ARHGAP6: variants seen among roughly 807,000 people sequenced by gnomAD.
ARHGAP6 encodes the protein Rho GTPase activating protein 6, also known as rho GTPase-activating protein 6.
A neutral mutation model predicts 55.7 loss-of-function variants in ARHGAP6; 16 were observed. The ratio of observed to expected loss-of-function variants is 0.29; its 90% confidence interval spans 0.19 to 0.44. The LOEUF is 0.44. Ranked by LOEUF, ARHGAP6 falls within the 20% of genes least tolerant of loss-of-function variation. The pLI is 1.00. For synonymous variants in ARHGAP6, 382 were observed against 360.9 expected, an observed-to-expected ratio of 1.06 and a Z score of -0.66; for missense variants, 698 against 808.9, an observed-to-expected ratio of 0.86 and a Z score of 1.66.
rs149606648 is a variant in ARHGAP6, at chrX:11,412,721, G to A, written c.589-158014C>T. 2.3e-3 allele frequency among the ~76,000 whole-genome samples: 260 copies of A among 111,823 alleles called. 4 individuals are homozygous for A. In the East Asian group the frequency reaches 0.041, roughly 18 times the overall value. On this transcript the variant is annotated intron_variant, in intron 1 of 12. Coordinates refer to ENST00000337414, the MANE Select transcript of ARHGAP6 (RefSeq NM_013427.3). The stretch of plus-strand genomic sequence containing the variant: ...CCTTAACCATCAATGGAGAGAATTC[G>A]TACCATGGTAATTTGGAAGCTACCA...
At chrX:11,163,870 T>G (rs1325819346) in intron 9 of ARHGAP6, among the ~76,000 whole-genome samples, 1 of 108,843 alleles carries the variant, frequency 9.2e-6, no homozygotes, top group East Asian at 2.8e-4. Flanking sequence ...GGAGGATAAC[T>G]CAAGCAAAGA....
intron 1 of ARHGAP6, among the ~76,000 whole-genome samples, chrX:11,389,270 T>C (rs1195913669): frequency 2.7e-5 from 3 of 111,958 alleles, no homozygotes; most frequent in Non-Finnish European, 5.6e-5. Flanking sequence ...TAACTAATAC[T>C]CTCTATAATA....
chrX:11,159,203 A>G (rs1423216547), intron 9 of ARHGAP6, among the ~76,000 whole-genome samples: 1 of 111,431 alleles, frequency 9.0e-6, no homozygotes, highest in Non-Finnish European at 1.9e-5. Context: ...ACCAGGTGTC[A>G]TGGAGTCTTA....
At chrX:11,589,693 T>C (rs1273641281) in intron 1 of ARHGAP6, among the ~76,000 whole-genome samples, 1 of 110,958 alleles carries the variant, frequency 9.0e-6, no homozygotes, top group Non-Finnish European at 1.9e-5. Context: ...GATAGGCTGG[T>C]TTGGAGGGGA....
At chrX:11,583,803 T>C (rs1425471718) in intron 1 of ARHGAP6, among the ~76,000 whole-genome samples, 1 of 111,788 alleles carries the variant, frequency 8.9e-6, no homozygotes, top group Admixed American at 9.6e-5. Context: ...CAAGTAATGC[T>C]AAGATATATT....
chrX:11,376,579 G>C (rs2049203816), intron 1 of ARHGAP6, among the ~76,000 whole-genome samples: 1 of 113,141 alleles, frequency 8.8e-6, no homozygotes, highest in African/African-American at 3.2e-5. Flanking sequence ...ATCTGTGTCA[G>C]AATTCTAGTC....
At chrX:11,241,579 T>C (rs943032173) in intron 2 of ARHGAP6, among the ~76,000 whole-genome samples, 1 of 105,239 alleles carries the variant, frequency 9.5e-6, no homozygotes, top group South Asian at 4.4e-4. Context: ...TGTGTGCGCG[T>C]GTGTCATCTT....
At chrX:11,361,815 AC>A (rs201105571) in intron 1 of ARHGAP6, among the ~76,000 whole-genome samples, 1,818 of 112,122 alleles carry the variant, frequency 0.016, 30 homozygotes, top group African/African-American at 0.055. Flanking sequence ...CAAGAAAAAA[AC>A]GACCAACCCC....
chrX:11,388,463 C>G (rs1221414868), intron 1 of ARHGAP6, among the ~76,000 whole-genome samples: 22 of 111,829 alleles, frequency 2.0e-4, no homozygotes, highest in African/African-American at 7.2e-4. Context: ...AGCCCTTTGT[C>G]AGATGAGTAG....
chrX:11,183,532 C>T (rs2046347868), intron 5 of ARHGAP6, among the ~76,000 whole-genome samples: 1 of 112,061 alleles, frequency 8.9e-6, no homozygotes, highest in African/African-American at 3.2e-5. Context: ...ACAATAGTTC[C>T]TTAATAGCAT....
intron 1 of ARHGAP6, among the ~76,000 whole-genome samples, chrX:11,472,500 G>A (rs190013765): frequency 2.1e-4 from 23 of 111,522 alleles, no homozygotes; most frequent in Admixed American, 1.5e-3. Context: ...TGGGAACAGC[G>A]GGTGAAAAGT....
At chrX:11,326,739 C>T (rs1381973387) in intron 1 of ARHGAP6, among the ~76,000 whole-genome samples, 1 of 112,065 alleles carries the variant, frequency 8.9e-6, no homozygotes, top group East Asian at 2.8e-4. Context: ...CTTAAGTAAA[C>T]GTTTTCATTT....
intron 9 of ARHGAP6, among the ~76,000 whole-genome samples, chrX:11,168,108 G>C (rs1286853145): frequency 9.0e-6 from 1 of 111,666 alleles, no homozygotes; most frequent in East Asian, 2.8e-4. Context: ...GGACAAGATG[G>C]ATGACCTTTC....
intron 1 of ARHGAP6, among the ~76,000 whole-genome samples, chrX:11,618,580 G>A (rs961734991): frequency 8.9e-6 from 1 of 111,764 alleles, no homozygotes; most frequent in Non-Finnish European, 1.9e-5. Context: ...AGATTGTACC[G>A]AGCTCATGCA....
chrX:11,216,019 A>G (rs1255595108), intron 2 of ARHGAP6, among the ~76,000 whole-genome samples: 1 of 111,596 alleles, frequency 9.0e-6, no homozygotes, highest in Non-Finnish European at 1.9e-5. Context: ...TCTGACACGT[A>G]GTGCCTTGTT....
intron 1 of ARHGAP6, among the ~76,000 whole-genome samples, chrX:11,571,337 C>A (rs2051513997): frequency 9.0e-6 from 1 of 111,087 alleles, no homozygotes; most frequent in Admixed American, 9.6e-5. Context: ...GGGTTTAAAT[C>A]CTTGCTTCAC....
intron 1 of ARHGAP6, among the ~76,000 whole-genome samples, chrX:11,457,784 G>C (rs1464392554): frequency 9.0e-6 from 1 of 111,662 alleles, no homozygotes; most frequent in Non-Finnish European, 1.9e-5. Context: ...CCCTCACTGG[G>C]ACATTTCTGA....
At position 11,138,961 on chromosome X, in the gene ARHGAP6, C is replaced by T. The variant is rs1353956281; in HGVS notation, c.2827G>A (p.Gly943Arg). ...TGCCAGTCGAGCCAGCCAGCGTCCC[C>T]CAGGCGCGGACTGTCCTGCTCGCCC... ...PAGEQDSPRL[G>R]DAGWLDWQRE... The change falls in exon 13 of 13, where the codon GGG becomes AGG. Residue 943 changes from glycine to arginine, a missense_variant. Physicochemically the swap from Gly to Arg is moderately radical, Grantham distance 125. Transcript: ENST00000337414. 8.3e-7 allele frequency: 1 copy of T among 1,200,236 alleles called. No individual in the cohort carries two copies. The highest frequency in any genetic ancestry group is 1.7e-5 in the African/African-American group (1 of 57,161).
At chrX:11,639,568 T>C (rs5978455) in intron 1 of ARHGAP6, among the ~76,000 whole-genome samples, 13,861 of 110,900 alleles carry the variant, frequency 0.12, 791 homozygotes, top group Middle Eastern at 0.23. Context: ...TTGCAGAGTA[T>C]TCCATGGTGT....
Sources: allele counts gnomAD v4.1 joint callset (sites outside exome capture counted in the v4.1 genomes callset), GRCh38; gene constraint gnomAD v4.1.1; transcripts MANE v1.5; gene names NCBI Gene and HGNC (gene_info 2026-07-23, HGNC 2026-07-21).